The following RPTOR variants were observed in gnomAD, a reference collection of about 807,000 sequenced individuals.
RPTOR encodes regulatory associated protein of MTOR complex 1.
RPTOR carries 21 observed loss-of-function variants against 169.9 expected under a neutral mutation model. That is an observed-to-expected ratio of 0.12 (90% confidence interval 0.09 to 0.18). The LOEUF (loss-of-function observed/expected upper bound fraction) is 0.18. RPTOR is among the 10% of genes least tolerant of loss of function. The pLI is 1.00. For missense variants in RPTOR, 1,133 were observed against 1,855.9 expected (o/e 0.61, Z 7.16); for synonymous variants, 732 against 753.2 (o/e 0.97, Z 0.46).
At chr17:80,643,939 G>A (rs1363704660) in intron 3 of RPTOR, 129 bp downstream of exon 3, 5 of 702,102 alleles carry the variant, frequency 7.1e-6, no homozygotes, top group South Asian at 1.9e-5. Context: ...TGGCGCCTGC[G>A]CACTGCGTTT....
At chr17:80,565,544 G>GGA (rs1277169581) in intron 1 of RPTOR, among the ~76,000 whole-genome samples, 1 of 150,248 alleles carries the variant, frequency 6.7e-6, no homozygotes, top group African/African-American at 2.4e-5. Flanking sequence ...GCACTGCTGA[G>GGA]GAGGGGTTAG....
intron 9 of RPTOR, among the ~76,000 whole-genome samples, chr17:80,828,065 A>G (rs1447104327): frequency 6.6e-6 from 1 of 152,192 alleles, no homozygotes; most frequent in Non-Finnish European, 1.5e-5. Context: ...TCCCTGGGAC[A>G]GGAGTGCACC....
chr17:80,691,829 G>A (rs779756302), intron 3 of RPTOR, among the ~76,000 whole-genome samples: 12 of 152,090 alleles, frequency 7.9e-5, no homozygotes, highest in Non-Finnish European at 1.5e-4. Flanking sequence ...GATAAAATAC[G>A]AAGGCGCTCT....
intron 6 of RPTOR, among the ~76,000 whole-genome samples, chr17:80,788,597 C>T (rs1166249483): frequency 6.6e-6 from 1 of 152,116 alleles, no homozygotes; most frequent in Non-Finnish European, 1.5e-5. Flanking sequence ...ATGTGATCTA[C>T]TCTTTGTTTC....
intron 1 of RPTOR, among the ~76,000 whole-genome samples, chr17:80,604,765 C>T (rs2065216137): frequency 6.6e-6 from 1 of 152,148 alleles, no homozygotes; most frequent in Non-Finnish European, 1.5e-5. Context: ...TTTATAAAAA[C>T]ATCAGATCTT....
chr17:80,756,642 C>T (rs754008411), intron 6 of RPTOR, among the ~76,000 whole-genome samples: 5 of 152,104 alleles, frequency 3.3e-5, no homozygotes, highest in South Asian at 4.1e-4. Context: ...GGTGAGCGCT[C>T]ATAGTACCCA....
chr17:80,600,606 A>G (rs1388028427), intron 1 of RPTOR, among the ~76,000 whole-genome samples: 1 of 152,006 alleles, frequency 6.6e-6, no homozygotes, highest in Non-Finnish European at 1.5e-5. Flanking sequence ...TTAGACCTGG[A>G]TTGGGAAGAA....
At position 80,549,436 on chromosome 17, in the gene RPTOR, A is replaced by G. The variant is rs191801702; in HGVS notation, c.162+3645A>G. ...GCGATTCTCCTGCCGCAGCCTCCCGAGTAGCTGGGATTACAGGTGCCCACC... is the reference window on the plus strand; with the variant it reads ...GCGATTCTCCTGCCGCAGCCTCCCGGGTAGCTGGGATTACAGGTGCCCACC... On this transcript the variant is annotated intron_variant, in intron 1 of 33. Transcript: ENST00000306801. Among the ~76,000 whole-genome samples the G allele has an allele frequency of 1.4e-4, 22 of 152,192 alleles. No homozygotes were observed. The East Asian group carries it at 3.5e-3, about 24-fold the overall frequency.
chr17:80,940,691 C>T (rs912777352), intron 25 of RPTOR, 90 bp downstream of exon 25: 13 of 1,032,522 alleles, frequency 1.3e-5, no homozygotes, highest in African/African-American at 3.2e-5. Flanking sequence ...CCGCGGCCCA[C>T]GCACAACCTT....
intron 3 of RPTOR, among the ~76,000 whole-genome samples, chr17:80,648,763 C>A (rs1316930755): frequency 6.6e-6 from 1 of 152,088 alleles, no homozygotes; most frequent in African/African-American, 2.4e-5. Context: ...GGCTGTGTCC[C>A]CACCCAGATC....
intron 31 of RPTOR, 138 bp from the exon 32 acceptor site, chr17:80,962,323 G>T: frequency 1.4e-6 from 1 of 704,868 alleles, no homozygotes; most frequent in Middle Eastern, 3.6e-4. Flanking sequence ...GGGACGCTGA[G>T]CATCCAGGCA....
At chr17:80,768,572 C>G (rs1054347162) in intron 6 of RPTOR, among the ~76,000 whole-genome samples, 4 of 152,118 alleles carry the variant, frequency 2.6e-5, no homozygotes, top group African/African-American at 9.7e-5. Context: ...GGCCTCACTC[C>G]TGCCTGTCCC....
rs374348474 is a variant in RPTOR, at chr17:80,880,561, G to A, written c.1584+72G>A. 1.4e-3 allele frequency: 1,982 copies of A among 1,407,424 alleles called. 9 individuals carry two copies. The highest frequency in any genetic ancestry group is 4.7e-3 in the East Asian group (202 of 43,264). 87.2% of individuals were successfully genotyped at this position (1,407,424 alleles called of 1,614,324 possible). A position where few individuals can be genotyped will look rare whatever the true frequency, so the allele number is the denominator to read the frequency against. Reference sequence around the variant, plus strand: ...CGCCTCTGCCCACACGCTGCACTGCGGTGGGGCCTTTTGACGGGGGCTACA... The same window carrying A: ...CGCCTCTGCCCACACGCTGCACTGCAGTGGGGCCTTTTGACGGGGGCTACA... On this transcript the variant is annotated intron_variant, in intron 14 of 33. Transcript: ENST00000306801.
At chr17:80,627,790 T>C (rs767506882) in intron 2 of RPTOR, among the ~76,000 whole-genome samples, 2 of 152,186 alleles carry the variant, frequency 1.3e-5, no homozygotes, top group African/African-American at 2.4e-5. Flanking sequence ...CTCTGGTTAA[T>C]ATTTAGGACT....
intron 3 of RPTOR, among the ~76,000 whole-genome samples, chr17:80,668,863 GAGA>G (rs1486553982): frequency 6.6e-6 from 1 of 152,250 alleles, no homozygotes; most frequent in Non-Finnish European, 1.5e-5. Context: ...CATGATTTCA[GAGA>G]AGAACAACTG....
intron 1 of RPTOR, among the ~76,000 whole-genome samples, chr17:80,582,765 C>G (rs1008378701): frequency 1.3e-5 from 2 of 151,372 alleles, no homozygotes; most frequent in Non-Finnish European, 2.9e-5. Flanking sequence ...AGGATGGTCT[C>G]GATCTCTTGA....
rs776692993 is a variant in RPTOR at position 80,625,806 on chromosome 17, C to T, written c.265+13C>T. 5 of 1,570,114 alleles carry T rather than the reference C, an allele frequency of 3.2e-6. No homozygotes were observed. The highest frequency in any genetic ancestry group is 2.6e-6 in the Non-Finnish European group (3 of 1,141,164). On this transcript the variant is annotated intron_variant, in intron 2 of 33. Coordinates refer to ENST00000306801, the MANE Select transcript of RPTOR (RefSeq NM_020761.3). ...GAATGCTGGATCGGTGAGTATGCCT[C>T]CCTCACGCGCTGCCACAAAGGCCGT...
At chr17:80,930,366 TCAGCTCATCCC>T (rs2068873718) in intron 24 of RPTOR, among the ~76,000 whole-genome samples, 1 of 13,676 alleles carries the variant, frequency 7.3e-5, no homozygotes, top group Non-Finnish European at 1.4e-4. Flanking sequence ...CAGCTCATCC[TCAGCTCATCCC>T]CAGCTCAGCT....
rs977979711 is a variant in RPTOR, at chr17:80,609,601, C to T, written c.163-16090C>T. 3.3e-5 allele frequency among the ~76,000 whole-genome samples: 5 copies of T among 152,050 alleles called. No homozygotes were observed. The highest frequency in any genetic ancestry group is 1.9e-4 in the East Asian group (1 of 5,180). On this transcript the variant is annotated intron_variant, in intron 1 of 33. Coordinates refer to ENST00000306801, the MANE Select transcript of RPTOR (RefSeq NM_020761.3). This position sits in a 1 kb window ranked among gnomAD's most constrained non-coding sequence, Gnocchi z 4.8. ...CTCTACTAAAAATAGAAAAATTAGC[C>T]GGGCATGATGGCGCACGCCTGTAAT...
Sources: gnomAD v4.1 joint callset for allele counts (sites outside exome capture counted in the v4.1 genomes callset) on GRCh38, gnomAD v4.1.1 for gene constraint, Gnocchi (gnomAD v3.1) non-coding constraint, MANE v1.5 for transcripts, NCBI Gene and HGNC (gene_info 2026-07-23, HGNC 2026-07-21) for gene names.